The following SKP2 variants were observed in gnomAD, a reference collection of about 807,000 sequenced individuals.
SKP2 encodes the protein S-phase kinase-associated protein 2.
Under a neutral mutation model 51.8 loss-of-function variants are expected in SKP2, and 16 were observed. The ratio of observed to expected loss-of-function variants is 0.31; its 90% CI spans 0.21 to 0.47. SKP2 has a LOEUF of 0.47. Ranked by LOEUF, SKP2 falls within the 20% of genes least tolerant of loss-of-function variation. SKP2 has a pLI of 1.00. For synonymous variants in SKP2, 176 were observed against 198.6 expected, an observed-to-expected ratio of 0.89 and a Z score of 0.96; for missense variants, 377 against 505.3, an observed-to-expected ratio of 0.75 and a Z score of 2.43.
At chr5:36,175,285 A>G (rs1483531585) in intron 7 of SKP2, among the ~76,000 whole-genome samples, 1 of 152,098 alleles carries the variant, frequency 6.6e-6, no homozygotes, top group African/African-American at 2.4e-5. Context: ...TGAGATGGGA[A>G]AGAGTTTAGG....
At chr5:36,189,607 G>A (rs1033489122) in intron 6 of SKP2, among the ~76,000 whole-genome samples, 7 of 152,204 alleles carry the variant, frequency 4.6e-5, no homozygotes, top group Non-Finnish European at 7.4e-5. Context: ...GTTCCTGGCC[G>A]TGTGAGGTGT....
intron 7 of SKP2, among the ~76,000 whole-genome samples, chr5:36,172,960 T>A (rs1047227764): frequency 7.2e-5 from 11 of 151,952 alleles, no homozygotes; most frequent in South Asian, 2.1e-4. Context: ...TACAGTCATT[T>A]AAAAAAAATG....
At chr5:36,187,325 G>T (rs1019359960), downstream of SKP2, among the ~76,000 whole-genome samples, 1 of 152,130 alleles carries the variant, frequency 6.6e-6, no homozygotes, top group Non-Finnish European at 1.5e-5. Flanking sequence ...CAATTGTGAT[G>T]TTAGGGTATC....
At position 36,168,307 on chromosome 5, in the gene SKP2, G is replaced by T. The variant is rs1359177202; in HGVS notation, c.537-6G>T. 1 of 1,612,342 alleles carries T rather than the reference G, an allele frequency of 6.2e-7. No homozygotes were observed. The highest frequency in any genetic ancestry group is 1.3e-5 in the African/African-American group (1 of 74,896). On this transcript the variant is annotated splice_polypyrimidine_tract_variant and splice_region_variant and intron_variant, in intron 4 of 9. Coordinates refer to ENST00000274255, the MANE Select transcript of SKP2 (RefSeq NM_005983.4). Reference sequence around the variant, plus strand: ...TATGGAGCTCCTTTTTTCTCTCCGTGTTTAGCCCTTTTCGTGTACAGCACA... The same window carrying T: ...TATGGAGCTCCTTTTTTCTCTCCGTTTTTAGCCCTTTTCGTGTACAGCACA...
chr5:36,173,415 G>A (rs148788704), intron 7 of SKP2, among the ~76,000 whole-genome samples: 6 of 152,198 alleles, frequency 3.9e-5, no homozygotes, highest in Admixed American at 2.0e-4. Context: ...CTTCACCCAC[G>A]AGCATCCTCT....
chr5:36,171,282 G>C (rs138133453), intron 6 of SKP2, among the ~76,000 whole-genome samples: 2 of 152,298 alleles, frequency 1.3e-5, no homozygotes, highest in Non-Finnish European at 2.9e-5. Flanking sequence ...TCTGTGTTGG[G>C]TGGTTGGTAG....
intron 2 of SKP2, among the ~76,000 whole-genome samples, chr5:36,162,574 G>T (rs562092473): frequency 6.6e-6 from 1 of 152,298 alleles, no homozygotes; most frequent in East Asian, 1.9e-4. Flanking sequence ...GAAGTCCCAC[G>T]AAGGTAGTGT....
At chr5:36,163,317 T>C (rs888628788) in intron 2 of SKP2, among the ~76,000 whole-genome samples, 2 of 152,148 alleles carry the variant, frequency 1.3e-5, no homozygotes, top group Non-Finnish European at 2.9e-5. Flanking sequence ...CAGCCTCCGA[T>C]TGGCTGGCTA....
chr5:36,169,359 C>T (rs889970002), intron 5 of SKP2, among the ~76,000 whole-genome samples: 4 of 152,010 alleles, frequency 2.6e-5, no homozygotes, highest in Non-Finnish European at 5.9e-5. Context: ...GCAGGAGAAT[C>T]GCTTGAACCC....
chr5:36,163,679 C>T lies in SKP2; in HGVS notation c.315C>T (p.Leu105=), dbSNP rs1214910935. The change falls in exon 3 of 10, where the codon CTC becomes CTT. Residue 105 remains leucine, a synonymous_variant. Coordinates refer to ENST00000274255, the MANE Select transcript of SKP2 (RefSeq NM_005983.4). ...VSWDSLPDEL[L]LGIFSCLCLP... The stretch of plus-strand genomic sequence containing the variant: ...GGGACTCCCTTCCGGATGAGCTGCT[C>T]TTGGGAATCTTTTCCTGTCTGTGCC... 1 of 1,613,996 alleles carries T rather than the reference C, an allele frequency of 6.2e-7. No homozygotes were observed.
In SKP2 at chr5:36,182,393, A is replaced by G; in HGVS notation, c.*362A>G. 1.9e-6 allele frequency: 2 copies of G among 1,027,820 alleles called. No individual in the cohort carries two copies. The highest frequency in any genetic ancestry group is 2.3e-6 in the Non-Finnish European group (2 of 855,404). The allele number at this position is 1,027,820 out of a possible 1,614,324, so 63.7% of individuals were successfully genotyped here. A position where few individuals can be genotyped will look rare whatever the true frequency, so the allele number is the denominator to read the frequency against. ...AAATTACCACCAGCAAACAATCTTC[A>G]TAGCCCATATAACTTTTATCTATTT... On this transcript the variant is annotated 3_prime_UTR_variant, in exon 10 of 10. Coordinates refer to ENST00000274255, the MANE Select transcript of SKP2 (RefSeq NM_005983.4).
intron 2 of SKP2, among the ~76,000 whole-genome samples, chr5:36,160,865 A>T (rs534952838): frequency 6.6e-6 from 1 of 152,300 alleles, no homozygotes; most frequent in South Asian, 2.1e-4. Flanking sequence ...CTGCCTCCCC[A>T]GATCAGCAGG....
At chr5:36,175,368 A>G (rs1223246187) in intron 7 of SKP2, among the ~76,000 whole-genome samples, 1 of 152,112 alleles carries the variant, frequency 6.6e-6, no homozygotes. Flanking sequence ...CTCATATCCA[A>G]ACGGTATGTT....
At position 36,184,129 on chromosome 5, in the gene SKP2, G is replaced by C. The variant is rs1212664544; in HGVS notation, c.*2098G>C. 1.7e-6 allele frequency: 1 copy of C among 601,274 alleles called. No homozygotes were observed. The highest frequency in any genetic ancestry group is 2.9e-5 in the East Asian group (1 of 34,072). The allele number at this position is 601,274 out of a possible 1,614,324, so 37.2% of individuals were successfully genotyped here. On this transcript the variant is annotated 3_prime_UTR_variant, in exon 10 of 10. Coordinates refer to ENST00000274255, the MANE Select transcript of SKP2 (RefSeq NM_005983.4). Reference sequence around the variant, plus strand: ...TTAGTGTGGTATGCCATTTGGCTTAGATACCTCTAAATAAGACTCTTCAAA... The same window carrying C: ...TTAGTGTGGTATGCCATTTGGCTTACATACCTCTAAATAAGACTCTTCAAA...
chr5:36,177,421 G>C, intron 9 of SKP2, 129 bp downstream of exon 9: 1 of 738,870 alleles, frequency 1.4e-6, no homozygotes, highest in Non-Finnish European at 2.5e-6. Flanking sequence ...ACCACAGACT[G>C]GCTATGAAAG....
chr5:36,168,373 C>A lies in SKP2; in HGVS notation c.597C>A (p.His199Gln). The A allele has an allele frequency of 6.2e-7, 1 of 1,613,982 alleles. No homozygotes were observed. Among genetic ancestry groups the A allele is most frequent in the Non-Finnish European group, 8.5e-7 (1 of 1,179,824 alleles). ...CAGTTATAGAAGTGTCCACCCTCCA[C>A]GGCATACTGTCTCAGTGTTCCAAGT... ...SNSVIEVSTL[H>Q]GILSQCSKLQ... The change falls in exon 5 of 10, where the codon CAC becomes CAA. Residue 199 changes from histidine (H) to glutamine (Q), a missense_variant. His to Gln is a conservative substitution (Grantham distance 24, BLOSUM62 0). Transcript: ENST00000274255.
chr5:36,171,857 C>A, intron 7 of SKP2, 124 bp downstream of exon 7: 1 of 904,404 alleles, frequency 1.1e-6, no homozygotes. Context: ...TGTTAGTCCC[C>A]TTTTTCAGAT....
intron 9 of SKP2, chr5:36,180,067 A>C (rs758284163): frequency 2.6e-6 from 1 of 386,710 alleles, no homozygotes; most frequent in Non-Finnish European, 5.2e-6. Context: ...TTCCTCACCA[A>C]ATCTCTTTCC....
intron 2 of SKP2, 31 bp downstream of exon 2, chr5:36,153,073 T>A: frequency 6.3e-7 from 1 of 1,599,892 alleles, no homozygotes; most frequent in Non-Finnish European, 8.6e-7. Flanking sequence ...ATGTCAGTTA[T>A]GCAAAGGGTG....
Sources: allele counts gnomAD v4.1 joint callset (sites outside exome capture counted in the v4.1 genomes callset), GRCh38; gene constraint gnomAD v4.1.1; transcripts MANE v1.5; gene names NCBI Gene and HGNC (gene_info 2026-07-23, HGNC 2026-07-21).